MGAT5: variants seen among roughly 807,000 people sequenced by gnomAD.
MGAT5 encodes alpha-1,6-mannosylglycoprotein 6-beta-N-acetylglucosaminyltransferase A.
Under a neutral mutation model 94.3 loss-of-function variants are expected in MGAT5, and 30 were observed. The observed-to-expected ratio is 0.32, with a 90% CI of 0.24 to 0.43. The LOEUF (loss-of-function observed/expected upper bound fraction) is 0.43, where lower values mean the gene tolerates loss of function less well. Ranked by LOEUF, MGAT5 falls within the 20% of genes least tolerant of loss-of-function variation. The probability of loss-of-function intolerance (pLI) is 1.00; values close to 1 mark genes in which losing one functional copy is unlikely to be tolerated. For missense variants in MGAT5, 691 were observed against 905.5 expected (o/e 0.76, Z 3.04); for synonymous variants, 310 against 322.9 (o/e 0.96, Z 0.43).
At chr2:134,184,669 A>G (rs1688913578) in intron 1 of MGAT5, among the ~76,000 whole-genome samples, 1 of 152,108 alleles carries the variant, frequency 6.6e-6, no homozygotes, top group Non-Finnish European at 1.5e-5. Flanking sequence ...CTCAACAGAT[A>G]CTTGTTGTAG....
chr2:134,264,348 A>G (rs1355696958), intron 1 of MGAT5, among the ~76,000 whole-genome samples: 4 of 152,122 alleles, frequency 2.6e-5, no homozygotes, highest in African/African-American at 4.8e-5. Flanking sequence ...TGATGACTGT[A>G]TACTTTTCGT....
intron 10 of MGAT5, among the ~76,000 whole-genome samples, chr2:134,380,676 T>C (rs1681482255): frequency 6.6e-6 from 1 of 152,236 alleles, no homozygotes. Flanking sequence ...TATATCTTAA[T>C]TTAGTATTAC....
intron 1 of MGAT5, among the ~76,000 whole-genome samples, chr2:134,202,945 C>G (rs1679869332): frequency 6.6e-6 from 1 of 152,150 alleles, no homozygotes; most frequent in East Asian, 1.9e-4. Context: ...GTGGGCCCAC[C>G]TGTCCTAAGA....
chr2:134,207,541 G>C (rs908482519), intron 1 of MGAT5, among the ~76,000 whole-genome samples: 5 of 150,710 alleles, frequency 3.3e-5, no homozygotes, highest in Admixed American at 1.3e-4. Flanking sequence ...TATTTCTCAA[G>C]GCATGTGGCA....
At chr2:134,155,758 AT>A (rs1411846757) in intron 1 of MGAT5, among the ~76,000 whole-genome samples, 2 of 151,984 alleles carry the variant, frequency 1.3e-5, no homozygotes, top group Non-Finnish European at 2.9e-5. Flanking sequence ...CTCTTTCAGG[AT>A]CTCCAAAGTA....
intron 1 of MGAT5, among the ~76,000 whole-genome samples, chr2:134,264,859 C>G (rs1683602429): frequency 6.6e-6 from 1 of 152,160 alleles, no homozygotes; most frequent in Non-Finnish European, 1.5e-5. Flanking sequence ...GCCTCTCGGG[C>G]AGCCATGGTG....
chr2:134,238,994 A>C (rs952721326), intron 1 of MGAT5, among the ~76,000 whole-genome samples: 13 of 152,054 alleles, frequency 8.5e-5, no homozygotes, highest in African/African-American at 2.9e-4. Flanking sequence ...AACGTGTTTT[A>C]TTTATTTATT....
At chr2:134,282,824 G>A (rs542971831) in intron 2 of MGAT5, among the ~76,000 whole-genome samples, 3 of 152,288 alleles carry the variant, frequency 2.0e-5, no homozygotes, top group East Asian at 1.9e-4. Flanking sequence ...GAGAGATTGA[G>A]CAGAGACCCA....
chr2:134,364,663 A>C (rs569879250), intron 10 of MGAT5, among the ~76,000 whole-genome samples: 2 of 152,360 alleles, frequency 1.3e-5, no homozygotes, highest in East Asian at 1.9e-4. Flanking sequence ...GTTGGGTTGC[A>C]GTGTGTCCAC....
upstream of MGAT5, among the ~76,000 whole-genome samples, chr2:134,249,637 A>C (rs191418067): frequency 1.0e-3 from 154 of 152,202 alleles, no homozygotes; most frequent in African/African-American, 3.5e-3. Flanking sequence ...TTTTGTTTCC[A>C]TTTCCTCAGT....
chr2:134,369,046 CTCTT>C (rs1019336195), intron 10 of MGAT5, among the ~76,000 whole-genome samples: 45 of 152,088 alleles, frequency 3.0e-4, no homozygotes, highest in Non-Finnish European at 1.0e-4. Flanking sequence ...TTGTCAATCT[CTCTT>C]CCTTACTAGA....
At chr2:134,218,496 C>T (rs149645690) in intron 1 of MGAT5, among the ~76,000 whole-genome samples, 1,792 of 152,262 alleles carry the variant, frequency 0.012, 33 homozygotes, top group African/African-American at 0.041. Context: ...CTGCTGGTCT[C>T]AGCTGGGCTT....
At chr2:134,306,223 G>C (rs1573753739) in intron 2 of MGAT5, among the ~76,000 whole-genome samples, 1 of 152,056 alleles carries the variant, frequency 6.6e-6, no homozygotes, top group Non-Finnish European at 1.5e-5. Flanking sequence ...AGAAATGATA[G>C]CAAAAATTAA....
intron 1 of MGAT5, among the ~76,000 whole-genome samples, chr2:134,260,696 C>CTTTTT (rs1267044246): frequency 8.0e-6 from 1 of 124,402 alleles, no homozygotes; most frequent in African/African-American, 3.3e-5. Context: ...TTTCTTTTTT[C>CTTTTT]TTTTTCTTTT....
At position 134,151,715 on chromosome 2, in the gene MGAT5, G is replaced by A. The variant is rs143561895; in HGVS notation, c.-143+31424G>A. Among the ~76,000 whole-genome samples the A allele has an allele frequency of 0.017, 2,123 of 125,410 alleles. 71 individuals carry two copies. The East Asian group carries it at 0.18, about 11-fold the overall frequency. The allele number at this position is 125,410 out of a possible 152,430, so 82.3% of individuals were successfully genotyped here. A position where few individuals can be genotyped will look rare whatever the true frequency, so the allele number is the denominator to read the frequency against. ...ATGGGACCTCACTCACCCATGCCCTGTGGGACCCACTCACCGCCATGGGAC... is the reference window on the plus strand; with the variant it reads ...ATGGGACCTCACTCACCCATGCCCTATGGGACCCACTCACCGCCATGGGAC... On this transcript the variant is annotated intron_variant, in intron 1 of 16. Transcript: ENST00000409645.
At chr2:134,355,612 A>G (rs1363216753) in intron 9 of MGAT5, among the ~76,000 whole-genome samples, 3 of 152,256 alleles carry the variant, frequency 2.0e-5, no homozygotes, top group African/African-American at 7.2e-5. Flanking sequence ...ATATCTCAGT[A>G]AATAAATGCA....
chr2:134,202,742 G>C (rs925742458), intron 1 of MGAT5, among the ~76,000 whole-genome samples: 9 of 152,108 alleles, frequency 5.9e-5, no homozygotes, highest in African/African-American at 1.9e-4. Flanking sequence ...AATCCTATAC[G>C]GCCAATTGTC....
chr2:134,248,406 G>A (rs934522697), intron 1 of MGAT5, among the ~76,000 whole-genome samples: 30 of 152,228 alleles, frequency 2.0e-4, no homozygotes, highest in Non-Finnish European at 4.1e-4. Flanking sequence ...TATGAGTTAC[G>A]AGTACTCTAT....
In MGAT5 at chr2:134,449,813, G is replaced by A. The variant is rs961425769; in HGVS notation, c.*966G>A. The A allele has an allele frequency of 6.6e-6, 1 of 152,314 alleles. No homozygotes were observed. The highest frequency in any genetic ancestry group is 2.4e-5 in the African/African-American group (1 of 41,436). The allele number at this position is 152,314 out of a possible 1,614,324, so 9.4% of individuals were successfully genotyped here. ...GAGCCAAGATTTGGACAGGAGTGAA[G>A]TCGGTCCTTAAGAATTTGTGGCGCG... is the stretch of plus-strand genomic sequence containing the variant. On this transcript the variant is annotated 3_prime_UTR_variant, in exon 16 of 16. Coordinates refer to ENST00000281923, the MANE Select transcript of MGAT5 (RefSeq NM_002410.5).
Sources: allele counts gnomAD v4.1 joint callset (sites outside exome capture counted in the v4.1 genomes callset), GRCh38; gene constraint gnomAD v4.1.1; transcripts MANE v1.5; gene names NCBI Gene and HGNC (gene_info 2026-07-23, HGNC 2026-07-21).